PPP6R1: variants seen among roughly 807,000 people sequenced by gnomAD.
The protein encoded by PPP6R1 is serine/threonine-protein phosphatase 6 regulatory subunit 1.
A neutral mutation model predicts 104.6 loss-of-function variants in PPP6R1; 39 were observed. The ratio of observed to expected loss-of-function variants is 0.37; its 90% confidence interval spans 0.29 to 0.49. The LOEUF (loss-of-function observed/expected upper bound fraction) is 0.49. Among genes scored for constraint, PPP6R1 ranks in the 20% least tolerant of loss-of-function variants. The pLI is 0.98. For missense variants in PPP6R1, 1,181 were observed against 1,155.8 expected, an observed-to-expected ratio of 1.02 and a Z score of -0.32; for synonymous variants, 549 against 479.0, an observed-to-expected ratio of 1.15 and a Z score of -1.91.
At chr19:55,257,862 A>C (rs1478461326) in intron 1 of PPP6R1, among the ~76,000 whole-genome samples, 1 of 151,794 alleles carries the variant, frequency 6.6e-6, no homozygotes, top group Admixed American at 6.6e-5. Context: ...GCTTCATCTC[A>C]CTGAAGCAGG....
Position 55,239,889 on chromosome 19 carries a change from C to T in PPP6R1, c.1500G>A (p.Glu500=), listed in dbSNP as rs2087434992. 2.5e-6 allele frequency: 4 copies of T among 1,613,910 alleles called. No homozygotes were observed. Among genetic ancestry groups the T allele is most frequent in the Middle Eastern group, 3.3e-4 (2 of 6,060 alleles). ...LLKELPSEQQ[E]QWEAFVSGPL... Reference sequence around the variant, plus strand: ...GCCCCGATACGAAGGCTTCCCACTGCTCCTGCTGCTCGCTGGGCAGCTCTG... The same window carrying T: ...GCCCCGATACGAAGGCTTCCCACTGTTCCTGCTGCTCGCTGGGCAGCTCTG... Residue 500 remains glutamate (E), a synonymous_variant, in exon 13 of 24, where the codon GAG becomes GAA. Coordinates refer to ENST00000412770, the MANE Select transcript of PPP6R1 (RefSeq NM_014931.4).
intron 17 of PPP6R1, among the ~76,000 whole-genome samples, chr19:55,236,027 G>A (rs1010318373): frequency 4.0e-5 from 6 of 151,370 alleles, no homozygotes; most frequent in Admixed American, 6.6e-5. Context: ...ACAGGGTTTC[G>A]CTATGTTGCC....
chr19:55,228,674 G>A, downstream of PPP6R1: 1 of 1,610,696 alleles, frequency 6.2e-7, no homozygotes, highest in Non-Finnish European at 8.5e-7. Context: ...CCCAGGCACA[G>A]CTCAGAAGGC....
At chr19:55,232,267 A>G (rs1600103498) in intron 17 of PPP6R1, 56 bp from the exon 18 acceptor site, 3 of 1,485,834 alleles carry the variant, frequency 2.0e-6, no homozygotes, top group East Asian at 5.0e-5. Context: ...GCCGACACCC[A>G]TCCTGTTCCC....
downstream of PPP6R1, chr19:55,229,480 C>T (rs2087317795): frequency 6.6e-6 from 1 of 152,360 alleles, no homozygotes. Context: ...TACTGGGCGC[C>T]AGTACCCAGC....
Position 55,240,242 on chromosome 19 carries a change from C to T in PPP6R1, c.1355G>A (p.Arg452His), listed in dbSNP as rs201089630. 675 of 1,590,798 alleles carry T rather than the reference C, an allele frequency of 4.2e-4. 2 individuals are homozygous for T. The African/African-American group carries it at 7.3e-3, about 17-fold the overall frequency. The change falls in exon 11 of 24, where the codon CGT (arginine) becomes CAT (histidine). Residue 452 changes from arginine to histidine, a missense_variant. By Grantham distance (29) the Arg-to-His change is conservative. Around this residue, in one of 2 missense-constraint regions of PPP6R1, gnomAD observed 1,042 missense variants for 955.6 expected, o/e 1.09. Transcript: ENST00000412770. ...AAGGGCAGCAGGTGCTCACTGTACA[C>T]GGTCGTTCTCCTCCCAGGACGTCAG... ...RILTSWEEND[R>H]VQCAGGPRKG...
chr19:55,248,322 C>T (rs911256212), intron 1 of PPP6R1, among the ~76,000 whole-genome samples: 10 of 152,210 alleles, frequency 6.6e-5, no homozygotes, highest in South Asian at 2.1e-4. Flanking sequence ...GTAAGTCAGG[C>T]GGCATCCTGG....
intron 17 of PPP6R1, among the ~76,000 whole-genome samples, chr19:55,234,074 T>C (rs917596492): frequency 3.9e-5 from 6 of 152,150 alleles, no homozygotes; most frequent in Non-Finnish European, 8.8e-5. Flanking sequence ...CTCAGCCTCC[T>C]GAGTAGCTGG....
In PPP6R1 at chr19:55,239,627, C is replaced by T. The variant is rs771988737; in HGVS notation, c.1620G>A (p.Glu540=). The change falls in exon 14 of 24, where the codon GAG becomes GAA. Residue 540 remains glutamate, a synonymous_variant. Coordinates refer to ENST00000412770, the MANE Select transcript of PPP6R1 (RefSeq NM_014931.4). ...SSDDEDDRLK[E]FNFPEEAVLQ... ...GCACAGCCTCCTCAGGGAAGTTGAA[C>T]TCCTTGAGCCGGTCGTCCTCATCGT... The T allele has an allele frequency of 6.2e-7, 1 of 1,612,104 alleles. No homozygotes were observed. Among genetic ancestry groups the T allele is most frequent in the Non-Finnish European group, 8.5e-7 (1 of 1,179,112 alleles).
At chr19:55,257,488 C>T (rs73053121) in intron 1 of PPP6R1, among the ~76,000 whole-genome samples, 14,352 of 152,274 alleles carry the variant, frequency 0.094, 786 homozygotes, top group African/African-American at 0.14. Context: ...CCGGGCGGAA[C>T]TACTCTGCCC....
chr19:55,234,740 T>C (rs1181672704), intron 17 of PPP6R1, among the ~76,000 whole-genome samples: 5 of 152,208 alleles, frequency 3.3e-5, no homozygotes, highest in Non-Finnish European at 4.4e-5. Flanking sequence ...CAGCTCATCA[T>C]GCATGGCACT....
intron 1 of PPP6R1, among the ~76,000 whole-genome samples, chr19:55,254,373 A>G (rs1277491036): frequency 1.3e-5 from 2 of 152,122 alleles, no homozygotes; most frequent in Non-Finnish European, 2.9e-5. Context: ...GCTCTGCACT[A>G]TTGCCTCTGG....
chr19:55,233,743 C>T (rs886240649), intron 17 of PPP6R1, among the ~76,000 whole-genome samples: 5 of 152,270 alleles, frequency 3.3e-5, no homozygotes, highest in African/African-American at 9.6e-5. Flanking sequence ...AAGCCTCATA[C>T]TCTAAAACCT....
In PPP6R1 at chr19:55,241,164, C is replaced by T; in HGVS notation, c.1161+75G>A. ...CTGAGCCCCCAGCCGAGCCCCCACC[C>T]CAGCCCCCGAACCCTCAGCCCAGTC... On this transcript the variant is annotated intron_variant, in intron 9 of 23. Transcript: ENST00000412770. The surrounding 1 kb of genome is among the most constrained non-coding windows in gnomAD (Gnocchi z 5.4). The T allele has an allele frequency of 6.7e-7, 1 of 1,494,664 alleles. No homozygotes were observed. Among genetic ancestry groups the T allele is most frequent in the Non-Finnish European group, 8.9e-7 (1 of 1,121,772 alleles). 92.6% of individuals were successfully genotyped at this position (1,494,664 alleles called of 1,614,324 possible).
downstream of PPP6R1, chr19:55,228,706 A>C: frequency 5.0e-6 from 8 of 1,613,192 alleles, no homozygotes; most frequent in Non-Finnish European, 6.8e-6. Flanking sequence ...CTGAGCAGTG[A>C]GTCTTCAGGG....
chr19:55,250,974 C>T (rs2087548870), intron 1 of PPP6R1, among the ~76,000 whole-genome samples: 1 of 152,228 alleles, frequency 6.6e-6, no homozygotes, highest in African/African-American at 2.4e-5. Context: ...CTTGCCCTGG[C>T]CAAGCTGGCC....
In PPP6R1 at chr19:55,245,066, G is replaced by A; in HGVS notation, c.618+54C>T. The A allele has an allele frequency of 2.5e-6, 4 of 1,594,934 alleles. No individual in the cohort carries two copies. Among genetic ancestry groups the A allele is most frequent in the Non-Finnish European group, 2.6e-6 (3 of 1,169,528 alleles). On this transcript the variant is annotated intron_variant, in intron 5 of 23. Transcript: ENST00000412770. This position sits in a 1 kb window ranked among gnomAD's most constrained non-coding sequence, Gnocchi z 6.4. ...ATTCCTCTTTTAAAAGTGGGGAAGT[G>A]GGCATGGGGAAGGAACTCTAAGGGG...
rs543548546 is a variant in PPP6R1 at position 55,230,468 on chromosome 19, C to T, written c.*60G>A. On this transcript the variant is annotated 3_prime_UTR_variant, in exon 24 of 24. Transcript: ENST00000412770. ...GGGCCATCGTGGGACCCGCCCTGCC[C>T]CCACCCCGGGAGATCCACGGGAGGA... is the stretch of plus-strand genomic sequence containing the variant. The T allele has an allele frequency of 2.5e-6, 4 of 1,609,472 alleles. No homozygotes were observed. The highest frequency in any genetic ancestry group is 1.9e-4 in the Middle Eastern group (1 of 5,394).
At position 55,241,606 on chromosome 19, in the gene PPP6R1, G is replaced by T; in HGVS notation, c.879C>A (p.Ser293Arg). Residue 293 changes from serine to arginine, a missense_variant, in exon 8 of 24, where the codon AGC (serine) becomes AGA (arginine). By Grantham distance (110) the Ser-to-Arg change is moderately radical (BLOSUM62 -1). Coordinates refer to ENST00000412770, the MANE Select transcript of PPP6R1 (RefSeq NM_014931.4). The surrounding 1 kb of genome is among the most constrained non-coding windows in gnomAD (Gnocchi z 5.4). Reference sequence around the variant, plus strand: ...GGAGCTCCAGCTGCCCATCCACACTGCTGAAGAAGCTGTTCACGGTCACGG... The same window carrying T: ...GGAGCTCCAGCTGCCCATCCACACTTCTGAAGAAGCTGTTCACGGTCACGG... ...SESVTVNSFFSSVDGQLELLA... is the reference protein window; with the variant it reads ...SESVTVNSFFRSVDGQLELLA... 1 of 1,586,130 alleles carries T rather than the reference G, an allele frequency of 6.3e-7. No individual in the cohort carries two copies. The highest frequency in any genetic ancestry group is 8.6e-7 in the Non-Finnish European group (1 of 1,167,418).
Sources: allele counts gnomAD v4.1 joint callset (sites outside exome capture counted in the v4.1 genomes callset), GRCh38; gene constraint gnomAD v4.1.1; regional missense constraint gnomAD v4.1.1; non-coding constraint Gnocchi (gnomAD v3.1); transcripts MANE v1.5; gene names NCBI Gene and HGNC (gene_info 2026-07-23, HGNC 2026-07-21).